CHN1: variants seen among roughly 807,000 people sequenced by gnomAD.
The protein encoded by CHN1 is chimerin 1, also known as N-chimaerin.
Under a neutral mutation model 59.5 loss-of-function variants are expected in CHN1, and 37 were observed. That is an observed-to-expected ratio of 0.62 (90% CI 0.48 to 0.82). The LOEUF (loss-of-function observed/expected upper bound fraction) is 0.82. Among genes scored for constraint, CHN1 ranks in the 40% least tolerant of loss-of-function variants. The pLI is 0.00. For synonymous variants in CHN1, 206 were observed against 200.4 expected, an observed-to-expected ratio of 1.03 and a Z score of -0.24; for missense variants, 469 against 571.0, an observed-to-expected ratio of 0.82 and a Z score of 1.82.
rs138759447 is a variant in CHN1, at chr2:174,868,338, A to G, written c.549+9502T>C. On this transcript the variant is annotated intron_variant, in intron 6 of 12. Transcript: ENST00000409900. ...GTACTCTGGTACCCTCCTCTCTGCA[A>G]TAGATTCCCGGTGCTCCCAGCCTTA... Among the ~76,000 whole-genome samples, 672 of 152,222 alleles carry G rather than the reference A, an allele frequency of 4.4e-3. 4 individuals are homozygous for G. The highest frequency in any genetic ancestry group is 0.015 in the African/African-American group (632 of 41,506).
chr2:174,965,099 T>A (rs913513386), intron 1 of CHN1, among the ~76,000 whole-genome samples: 2 of 152,116 alleles, frequency 1.3e-5, no homozygotes, highest in African/African-American at 4.8e-5. Context: ...TAGGAGATAC[T>A]CAAAAGTATT....
intron 1 of CHN1, among the ~76,000 whole-genome samples, chr2:174,976,126 CAAAAAA>C (rs71031078): frequency 2.2e-4 from 11 of 50,190 alleles, no homozygotes; most frequent in African/African-American, 1.8e-4. Flanking sequence ...GACTCCGTCT[CAAAAAA>C]AAAAAAAAAA....
chr2:174,970,330 C>G (rs552984977), intron 1 of CHN1, among the ~76,000 whole-genome samples: 7 of 152,268 alleles, frequency 4.6e-5, no homozygotes, highest in African/African-American at 1.7e-4. Flanking sequence ...GACTCACAAA[C>G]TATGACTAAT....
chr2:174,944,334 A>T (rs1371467698), intron 3 of CHN1, among the ~76,000 whole-genome samples: 1 of 152,188 alleles, frequency 6.6e-6, no homozygotes, highest in Non-Finnish European at 1.5e-5. Flanking sequence ...CTGTTTCCTC[A>T]CAGGCTTGCC....
intron 3 of CHN1, among the ~76,000 whole-genome samples, chr2:174,920,262 G>C (rs1382821003): frequency 6.6e-6 from 1 of 152,022 alleles, no homozygotes; most frequent in Non-Finnish European, 1.5e-5. Flanking sequence ...TCCATATCTT[G>C]AATACTATGA....
Position 174,915,051 on chromosome 2 carries a change from GACCAACCTTA to G in CHN1, c.257_260+6del. The G allele has an allele frequency of 6.3e-7, 1 of 1,592,400 alleles. No individual in the cohort carries two copies. The highest frequency in any genetic ancestry group is 8.6e-7 in the Non-Finnish European group (1 of 1,164,368). ...AGCACAGTAGTAATTGCAGGCCCAT[GACCAACCTTA>G]AAGCCAAAGTGTAGGTCCCTGGCTG... is the stretch of plus-strand genomic sequence containing the variant. On this transcript the variant is annotated splice_donor_variant and splice_donor_5th_base_variant and coding_sequence_variant and intron_variant, in exon 5 of 13. Coordinates refer to ENST00000409900, the MANE Select transcript of CHN1 (RefSeq NM_001822.7). LOFTEE classifies it high-confidence loss of function.
chr2:174,987,049 T>G (rs1028870435), intron 1 of CHN1, among the ~76,000 whole-genome samples: 1 of 152,198 alleles, frequency 6.6e-6, no homozygotes, highest in African/African-American at 2.4e-5. Flanking sequence ...TTTATTATTT[T>G]GTTAATAACA....
At chr2:174,830,181 C>T (rs1470591273) in intron 7 of CHN1, among the ~76,000 whole-genome samples, 5 of 151,536 alleles carry the variant, frequency 3.3e-5, no homozygotes, top group Admixed American at 2.6e-4. Flanking sequence ...TGCAGTGAGC[C>T]GAGATCGTGC....
At chr2:174,917,988 C>T (rs138670787) in intron 4 of CHN1, among the ~76,000 whole-genome samples, 215 of 152,080 alleles carry the variant, frequency 1.4e-3, no homozygotes, top group Non-Finnish European at 2.7e-3. Flanking sequence ...AACAATCAGG[C>T]TATAAAATGA....
At chr2:174,883,272 T>C (rs944746244) in intron 5 of CHN1, among the ~76,000 whole-genome samples, 1 of 152,204 alleles carries the variant, frequency 6.6e-6, no homozygotes, top group Non-Finnish European at 1.5e-5. Flanking sequence ...ACTTAAGTTC[T>C]GTTTTCTAGG....
intron 6 of CHN1, among the ~76,000 whole-genome samples, chr2:174,869,508 T>TGACAG (rs369262917): frequency 0.48 from 73,278 of 151,554 alleles, 18,462 homozygotes; most frequent in African/African-American, 0.61. Flanking sequence ...TCCTGGGGTC[T>TGACAG]GGGTGGGGGT....
intron 6 of CHN1, among the ~76,000 whole-genome samples, chr2:174,855,746 T>C (rs1191219437): frequency 2.0e-5 from 3 of 152,166 alleles, no homozygotes; most frequent in Non-Finnish European, 4.4e-5. Flanking sequence ...ATTCTCATTT[T>C]ATAGATGAGA....
At chr2:174,922,267 C>G (rs910910460) in intron 3 of CHN1, among the ~76,000 whole-genome samples, 1 of 152,106 alleles carries the variant, frequency 6.6e-6, no homozygotes, top group African/African-American at 2.4e-5. Context: ...TCAAAAGAAC[C>G]ATTTAGTAGT....
chr2:174,821,464 T>C (rs1220054097), intron 8 of CHN1, among the ~76,000 whole-genome samples: 1 of 152,230 alleles, frequency 6.6e-6, no homozygotes, highest in East Asian at 1.9e-4. Flanking sequence ...GTACTTTCCC[T>C]GCTGTGGTTT....
intron 12 of CHN1, among the ~76,000 whole-genome samples, chr2:174,800,619 G>C (rs1574029854): frequency 1.3e-5 from 2 of 152,162 alleles, no homozygotes; most frequent in East Asian, 3.9e-4. Flanking sequence ...AGAAGGAACT[G>C]GGTCACCTTG....
Position 174,799,744 on chromosome 2 carries a change from C to G in CHN1, c.*372G>C, listed in dbSNP as rs1425809104. Reference sequence around the variant, plus strand: ...ATGACATAGACCCCAAAAGCAAAGTCACAACAGGCTTACTCTGTGAAACAT... The same window carrying G: ...ATGACATAGACCCCAAAAGCAAAGTGACAACAGGCTTACTCTGTGAAACAT... On this transcript the variant is annotated 3_prime_UTR_variant, in exon 13 of 13. Coordinates refer to ENST00000409900, the MANE Select transcript of CHN1 (RefSeq NM_001822.7). 5.6e-6 allele frequency: 3 copies of G among 537,534 alleles called. No individual in the cohort carries two copies. Among genetic ancestry groups the G allele is most frequent in the Admixed American group, 4.4e-5 (2 of 45,122 alleles). The allele number at this position is 537,534 out of a possible 1,614,324, so 33.3% of individuals were successfully genotyped here. A position where few individuals can be genotyped will look rare whatever the true frequency, so the allele number is the denominator to read the frequency against.
intron 5 of CHN1, among the ~76,000 whole-genome samples, chr2:174,906,363 T>C (rs1056401227): frequency 2.6e-5 from 4 of 152,142 alleles, no homozygotes; most frequent in African/African-American, 9.7e-5. Flanking sequence ...GTCACGAACA[T>C]ATATAATGTC....
At chr2:174,959,681 A>G (rs1690337222) in intron 1 of CHN1, among the ~76,000 whole-genome samples, 1 of 152,174 alleles carries the variant, frequency 6.6e-6, no homozygotes, top group Non-Finnish European at 1.5e-5. Context: ...GGCCTTGAAG[A>G]AGGAATAACT....
chr2:174,904,121 G>A (rs1688469570), intron 5 of CHN1, among the ~76,000 whole-genome samples: 1 of 151,746 alleles, frequency 6.6e-6, no homozygotes, highest in East Asian at 2.0e-4. Flanking sequence ...AAATTAGCTG[G>A]GCATGGTGGT....
Sources: gnomAD v4.1 joint callset for allele counts (sites outside exome capture counted in the v4.1 genomes callset) on GRCh38, gnomAD v4.1.1 for gene constraint, MANE v1.5 for transcripts, NCBI Gene and HGNC (gene_info 2026-07-23, HGNC 2026-07-21) for gene names.